Variants in NEDD4 observed in about 807,000 individuals in gnomAD.
NEDD4 encodes E3 ubiquitin-protein ligase NEDD4.
A neutral mutation model predicts 144.9 loss-of-function variants in NEDD4; 99 were observed. The observed-to-expected ratio is 0.68, with a 90% CI of 0.58 to 0.81. The LOEUF (loss-of-function observed/expected upper bound fraction) is 0.81, where lower values mean the gene tolerates loss of function less well. Among genes scored for constraint, NEDD4 ranks in the 30% least tolerant of loss-of-function variants. NEDD4 has a pLI of 0.00. For missense variants in NEDD4, 985 were observed against 1,065.9 expected, an observed-to-expected ratio of 0.92 and a Z score of 1.06; for synonymous variants, 318 against 350.6, an observed-to-expected ratio of 0.91 and a Z score of 1.04.
At chr15:55,956,246 T>C (rs74823313) in intron 2 of NEDD4, among the ~76,000 whole-genome samples, 1 of 152,194 alleles carries the variant, frequency 6.6e-6, no homozygotes, top group South Asian at 2.1e-4. Flanking sequence ...CTAAAGATAC[T>C]TTTTCCCAAT....
At chr15:55,900,256 A>C (rs1378883889) in intron 5 of NEDD4, among the ~76,000 whole-genome samples, 1 of 152,202 alleles carries the variant, frequency 6.6e-6, no homozygotes, top group Non-Finnish European at 1.5e-5. Flanking sequence ...GCTCCACAGG[A>C]CTGGATTTGT....
intron 5 of NEDD4, among the ~76,000 whole-genome samples, chr15:55,911,072 A>G (rs531465193): frequency 8.1e-6 from 1 of 123,774 alleles, no homozygotes; most frequent in South Asian, 2.4e-4. Context: ...CCACTGGACT[A>G]TTTACAGTGG....
At chr15:55,982,084 G>A (rs1164696028) in intron 1 of NEDD4, among the ~76,000 whole-genome samples, 2 of 152,204 alleles carry the variant, frequency 1.3e-5, no homozygotes, top group Non-Finnish European at 1.5e-5. Context: ...AGAAGGCTGG[G>A]AGACAGGAGT....
At chr15:55,970,043 G>A (rs1441818887) in intron 1 of NEDD4, among the ~76,000 whole-genome samples, 1 of 152,114 alleles carries the variant, frequency 6.6e-6, no homozygotes, top group Non-Finnish European at 1.5e-5. Context: ...GCCCTAAAGG[G>A]AGAGACCCAG....
chr15:55,979,353 T>C (rs1487314632), intron 1 of NEDD4, among the ~76,000 whole-genome samples: 5 of 128,220 alleles, frequency 3.9e-5, no homozygotes, highest in Admixed American at 3.2e-4. Context: ...TTTTTTTTTT[T>C]TTTTTTTTTT....
chr15:55,872,227 C>T (rs1271645029), intron 7 of NEDD4, among the ~76,000 whole-genome samples, 188 bp downstream of exon 7: 1 of 151,514 alleles, frequency 6.6e-6, no homozygotes, highest in Non-Finnish European at 1.5e-5. Flanking sequence ...GAATGTTTTG[C>T]AATGTGCATA....
intron 8 of NEDD4, among the ~76,000 whole-genome samples, 154 bp downstream of exon 8, chr15:55,869,425 A>C (rs1219452651): frequency 2.0e-5 from 3 of 152,232 alleles, no homozygotes; most frequent in African/African-American, 7.2e-5. Context: ...ATATCCTTAG[A>C]GGGAAAACTA....
At position 55,917,874 on chromosome 15, in the gene NEDD4, G is replaced by T. The variant is rs1210307959; in HGVS notation, c.291+6772C>A. Among the ~76,000 whole-genome samples the T allele has an allele frequency of 5.3e-5, 8 of 152,028 alleles. No individual in the cohort carries two copies. The East Asian group carries it at 1.5e-3, about 29-fold the overall frequency. On this transcript the variant is annotated intron_variant, in intron 5 of 28. Transcript: ENST00000435532. ...ACCCCAAGATAGTTTGAACACACAG[G>T]ATATTTTATTCCACTGTCTCTGCAA...
At chr15:55,847,094 TTTTA>T in intron 17 of NEDD4, 60 bp from the exon 18 acceptor site, 2 of 1,147,802 alleles carry the variant, frequency 1.7e-6, no homozygotes, top group Non-Finnish European at 2.5e-6. Context: ...CTGGAACAAT[TTTTA>T]TTTGTTGTAT....
intron 5 of NEDD4, among the ~76,000 whole-genome samples, chr15:55,911,592 C>T (rs60201187): frequency 0.14 from 21,529 of 151,338 alleles, 1,657 homozygotes; most frequent in East Asian, 0.35. Context: ...TGCAGTGGCG[C>T]GATCTCGACT....
chr15:55,912,608 A>G (rs932551164), intron 5 of NEDD4, among the ~76,000 whole-genome samples: 2 of 152,156 alleles, frequency 1.3e-5, no homozygotes, highest in African/African-American at 4.8e-5. Context: ...TTTAGAAAAC[A>G]ACAGATGGGG....
Position 55,876,339 on chromosome 15 carries a change from A to T in NEDD4, c.292-2331T>A, listed in dbSNP as rs540836900. ...AATAAAGAGCACCAGAAAATGGTAA[A>T]TATGTGGGTAAAGTTTTTTTTTTTT... is the stretch of plus-strand genomic sequence containing the variant. On this transcript the variant is annotated intron_variant, in intron 5 of 28. Coordinates refer to ENST00000435532, the MANE Select transcript of NEDD4 (RefSeq NM_006154.4). 1.2e-4 allele frequency among the ~76,000 whole-genome samples: 19 copies of T among 152,104 alleles called. No homozygotes were observed. In the South Asian group the frequency reaches 4.0e-3, roughly 32 times the overall value.
chr15:55,906,108 C>T (rs1453777354), intron 5 of NEDD4, among the ~76,000 whole-genome samples: 4 of 151,974 alleles, frequency 2.6e-5, no homozygotes, highest in East Asian at 1.9e-4. Flanking sequence ...GTTAGAATGG[C>T]GATCATTAAA....
intron 4 of NEDD4, among the ~76,000 whole-genome samples, chr15:55,946,201 C>A (rs1371270671): frequency 3.3e-5 from 5 of 152,156 alleles, no homozygotes; most frequent in African/African-American, 9.7e-5. Context: ...TTAAAAGACA[C>A]AGACTGGCGA....
chr15:55,975,649 A>T (rs765737626), intron 1 of NEDD4, among the ~76,000 whole-genome samples: 4 of 152,174 alleles, frequency 2.6e-5, no homozygotes, highest in Non-Finnish European at 5.9e-5. Context: ...ACAAAAGGGA[A>T]AAATATTCCA....
chr15:55,906,178 T>C (rs1231105233), intron 5 of NEDD4, among the ~76,000 whole-genome samples: 2 of 152,202 alleles, frequency 1.3e-5, no homozygotes, highest in Admixed American at 1.3e-4. Context: ...TTTTACACTG[T>C]TGGTGGGACT....
intron 12 of NEDD4, among the ~76,000 whole-genome samples, chr15:55,855,911 C>T (rs1181742568): frequency 6.6e-6 from 1 of 152,172 alleles, no homozygotes; most frequent in African/African-American, 2.4e-5. Context: ...CAGATACCAC[C>T]CACAGTCACC....
chr15:55,974,451 A>C (rs2037665362), intron 1 of NEDD4, among the ~76,000 whole-genome samples: 1 of 152,192 alleles, frequency 6.6e-6, no homozygotes, highest in Non-Finnish European at 1.5e-5. Context: ...AAAACCAGAC[A>C]AAGATCCATT....
At chr15:55,903,883 G>A (rs2035998659) in intron 5 of NEDD4, among the ~76,000 whole-genome samples, 1 of 149,040 alleles carries the variant, frequency 6.7e-6, no homozygotes, top group Non-Finnish European at 1.5e-5. Flanking sequence ...CATTGGCTGG[G>A]CACGGTGGCT....
Sources: allele counts gnomAD v4.1 joint callset (sites outside exome capture counted in the v4.1 genomes callset), GRCh38; gene constraint gnomAD v4.1.1; transcripts MANE v1.5; gene names NCBI Gene and HGNC (gene_info 2026-07-23, HGNC 2026-07-21).